The following TCFL5 variants were observed in gnomAD, a reference collection of about 807,000 sequenced individuals.
The protein encoded by TCFL5 is transcription factor-like 5 protein.
TCFL5 carries 9 observed loss-of-function variants against 44.3 expected under a neutral mutation model. That is an observed-to-expected ratio of 0.20 (90% CI 0.12 to 0.35). The LOEUF (loss-of-function observed/expected upper bound fraction) is 0.35, where lower values mean the gene tolerates loss of function less well. Ranked by LOEUF, TCFL5 falls within the 10% of genes least tolerant of loss-of-function variation. The pLI is 1.00. For synonymous variants in TCFL5, 319 were observed against 271.6 expected (o/e 1.17, Z -1.72); for missense variants, 603 against 613.4 (o/e 0.98, Z 0.18).
intron 5 of TCFL5, among the ~76,000 whole-genome samples, chr20:62,844,575 GTTT>G (rs1169875367): frequency 3.1e-5 from 4 of 130,238 alleles, no homozygotes; most frequent in African/African-American, 1.2e-4. Flanking sequence ...TTTTTTGTTT[GTTT>G]TTTGTTTTTT....
intron 5 of TCFL5, chr20:62,845,590 C>T: frequency 6.5e-7 from 1 of 1,548,726 alleles, no homozygotes. Context: ...CCTGGGCCGG[C>T]TCCGGAGAAG....
chr20:62,853,567 T>G (rs1371824725), intron 5 of TCFL5, among the ~76,000 whole-genome samples: 1 of 152,156 alleles, frequency 6.6e-6, no homozygotes, highest in East Asian at 1.9e-4. Context: ...CCCAGGCTGG[T>G]CTCAAACTCC....
At position 62,853,013 on chromosome 20, in the gene TCFL5, TATAGTCACCCGGTCCACAGAAGC is replaced by T. The variant is rs1178775998; in HGVS notation, c.1380+980_1380+1002del. On this transcript the variant is annotated intron_variant, in intron 5 of 5. Transcript: ENST00000335351. The stretch of plus-strand genomic sequence containing the variant: ...AGTACATTCACCCAGTCCGCAGAAG[TATAGTCACCCGGTCCACAGAAGC>T]ATAGTCACCCGGTCCACAGAAGTAC... 1.4e-4 allele frequency: 172 copies of T among 1,269,060 alleles called. 1 individual carries two copies. The East Asian group carries it at 2.7e-3, about 20-fold the overall frequency. 78.6% of individuals were successfully genotyped at this position (1,269,060 alleles called of 1,614,324 possible).
chr20:62,849,160 G>A (rs576514926), intron 5 of TCFL5, among the ~76,000 whole-genome samples: 172 of 146,692 alleles, frequency 1.2e-3, no homozygotes, highest in African/African-American at 3.8e-3. Context: ...GCGAGACGCC[G>A]TCTCAAAAAA....
chr20:62,842,234 TTG>T lies in TCFL5; in HGVS notation c.1381-139_1381-138del, dbSNP rs1350246191. On this transcript the variant is annotated intron_variant, in intron 5 of 5. Transcript: ENST00000335351. This position sits in a 1 kb window ranked among gnomAD's most constrained non-coding sequence, Gnocchi z 4.3. ...CTGTTTTAAGGTGTCATTCACAAAC[TTG>T]TGTCTTACCTCACAAGGGGATTTAT... The T allele has an allele frequency of 9.6e-6, 11 of 1,142,412 alleles. No individual in the cohort carries two copies. The highest frequency in any genetic ancestry group is 1.3e-5 in the Non-Finnish European group (11 of 817,008). 70.8% of individuals were successfully genotyped at this position (1,142,412 alleles called of 1,614,324 possible).
intron 5 of TCFL5, among the ~76,000 whole-genome samples, chr20:62,847,767 T>A (rs935491578): frequency 6.6e-6 from 1 of 152,132 alleles, no homozygotes; most frequent in Non-Finnish European, 1.5e-5. Flanking sequence ...CCCAGCACTG[T>A]GGGAGGCCGA....
intron 5 of TCFL5, chr20:62,852,451 C>T: frequency 2.0e-6 from 2 of 985,484 alleles, no homozygotes; most frequent in East Asian, 1.1e-4. Context: ...ACACCTTCTT[C>T]CTTTTAGGCC....
At chr20:62,857,253 C>G (rs1165855017) in intron 4 of TCFL5, 142 bp downstream of exon 4, 30 of 1,198,784 alleles carry the variant, frequency 2.5e-5, no homozygotes, top group Non-Finnish European at 3.4e-5. Context: ...GATCCTTGAT[C>G]CATCTGGGAA....
chr20:62,849,854 C>G (rs896088038), intron 5 of TCFL5, among the ~76,000 whole-genome samples: 1 of 152,062 alleles, frequency 6.6e-6, no homozygotes, highest in Admixed American at 6.6e-5. Flanking sequence ...ACTTAGGAGG[C>G]TGAGGCAAGA....
In TCFL5 at chr20:62,860,261, A is replaced by G. The variant is rs2147299395; in HGVS notation, c.695T>C (p.Leu232Pro). 1 of 1,613,736 alleles carries G rather than the reference A, an allele frequency of 6.2e-7. No individual in the cohort carries two copies. Among genetic ancestry groups the G allele is most frequent in the East Asian group, 2.2e-5 (1 of 44,882 alleles). Reference sequence around the variant, plus strand: ...TGCTGTACATTTGTTTTGTTGCTGAAGAGGAACATTCATTAGTTCAGATGG... The same window carrying G: ...TGCTGTACATTTGTTTTGTTGCTGAGGAGGAACATTCATTAGTTCAGATGG... ...RHPSELMNVPLQQQNKCTALV... is the reference protein window; with the variant it reads ...RHPSELMNVPPQQQNKCTALV... The change falls in exon 2 of 6, where the codon CTT (leucine) becomes CCT (proline). Residue 232 changes from leucine (L) to proline (P), a missense_variant. Around this residue, in one of 4 missense-constraint regions of TCFL5, gnomAD observed 540 missense variants for 478.7 expected, o/e 1.13. Transcript: ENST00000335351.
At chr20:62,846,118 C>G (rs769665847) in intron 5 of TCFL5, 1 of 1,294,620 alleles carries the variant, frequency 7.7e-7, no homozygotes, top group South Asian at 1.2e-5. Flanking sequence ...TGCTTAGAAC[C>G]TTAAATTGGA....
chr20:62,852,207 T>C, intron 5 of TCFL5: 1 of 985,448 alleles, frequency 1.0e-6, no homozygotes, highest in Middle Eastern at 5.2e-4. Context: ...CCCAACAGCT[T>C]GGACCAGGTA....
At chr20:62,844,479 C>T (rs571686444) in intron 5 of TCFL5, among the ~76,000 whole-genome samples, 1 of 152,192 alleles carries the variant, frequency 6.6e-6, no homozygotes, top group South Asian at 2.1e-4. Flanking sequence ...GGCACATCCA[C>T]GGCTCACTGC....
chr20:62,843,223 C>T (rs929563842), intron 5 of TCFL5, among the ~76,000 whole-genome samples: 1 of 152,178 alleles, frequency 6.6e-6, no homozygotes, highest in African/African-American at 2.4e-5. Flanking sequence ...TGTTTGGATC[C>T]TGATTCAAAT....
At chr20:62,852,538 A>C (rs1162146625) in intron 5 of TCFL5, 2 of 985,368 alleles carry the variant, frequency 2.0e-6, no homozygotes, top group Non-Finnish European at 2.4e-6. Context: ...GCTGCAGGCC[A>C]CTGCCACGAC....
chr20:62,852,795 G>C lies in TCFL5; in HGVS notation c.1380+1221C>G. On this transcript the variant is annotated intron_variant, in intron 5 of 5. Coordinates refer to ENST00000335351, the MANE Select transcript of TCFL5 (RefSeq NM_006602.4). ...CATTCCACAGAAGCACGGTCACCCG[G>C]TCCGCAGAAGTATATTCACCGAGTC... is the stretch of plus-strand genomic sequence containing the variant. 3 of 1,289,294 alleles carry C rather than the reference G, an allele frequency of 2.3e-6. No homozygotes were observed. In the South Asian group the frequency reaches 3.7e-5, roughly 16 times the overall value. The allele number at this position is 1,289,294 out of a possible 1,614,324, so 79.9% of individuals were successfully genotyped here.
chr20:62,858,885 G>A (rs973994775), intron 3 of TCFL5, among the ~76,000 whole-genome samples: 1 of 151,882 alleles, frequency 6.6e-6, no homozygotes, highest in Non-Finnish European at 1.5e-5. Flanking sequence ...GCAGGTTAGC[G>A]CAGCAGTGCC....
At chr20:62,856,252 CA>C (rs11473595) in intron 4 of TCFL5, among the ~76,000 whole-genome samples, 66 of 63,840 alleles carry the variant, frequency 1.0e-3, no homozygotes, top group East Asian at 8.1e-3. Flanking sequence ...GACTCCGTCT[CA>C]AAAAAAAAAA....
intron 5 of TCFL5, chr20:62,851,610 C>G: frequency 1.0e-6 from 1 of 985,146 alleles, no homozygotes; most frequent in Non-Finnish European, 1.2e-6. Context: ...ATACATTCAA[C>G]ATAGCATCGC....
Sources: gnomAD v4.1 joint callset for allele counts (sites outside exome capture counted in the v4.1 genomes callset) on GRCh38, gnomAD v4.1.1 for gene constraint, gnomAD v4.1.1 regional missense constraint, Gnocchi (gnomAD v3.1) non-coding constraint, MANE v1.5 for transcripts, NCBI Gene and HGNC (gene_info 2026-07-23, HGNC 2026-07-21) for gene names.